Variants in OTUD4 observed in about 807,000 individuals in gnomAD.
OTUD4 encodes OTU deubiquitinase 4.
OTUD4 carries 24 observed loss-of-function variants against 130.4 expected under a neutral mutation model. The ratio of observed to expected loss-of-function variants is 0.18; its 90% confidence interval spans 0.13 to 0.26. OTUD4 has a LOEUF of 0.26. Ranked by LOEUF, OTUD4 falls within the 10% of genes least tolerant of loss-of-function variation. OTUD4 has a pLI of 1.00. For missense variants in OTUD4, 1,031 were observed against 1,329.4 expected (o/e 0.78, Z 3.49); for synonymous variants, 420 against 472.5 (o/e 0.89, Z 1.44).
At chr4:145,177,569 A>G (rs1243586655) in intron 1 of OTUD4, among the ~76,000 whole-genome samples, 2 of 152,226 alleles carry the variant, frequency 1.3e-5, no homozygotes, top group Admixed American at 1.3e-4. Flanking sequence ...AGGCTTTCCC[A>G]TTTTTACTTG....
chr4:145,180,564 T>G lies in OTUD4; in HGVS notation c.-591A>C, dbSNP rs1489492305. Among the ~76,000 whole-genome samples the G allele has an allele frequency of 2.0e-5, 3 of 152,198 alleles. No homozygotes were observed. Among genetic ancestry groups the G allele is most frequent in the Admixed American group, 2.0e-4 (3 of 15,284 alleles). ...TCGCAGCCCAGAATTTGTTTTCGCTTTCGGCCCGACAGCGGAGAGGACGGC... is the reference window on the plus strand; with the variant it reads ...TCGCAGCCCAGAATTTGTTTTCGCTGTCGGCCCGACAGCGGAGAGGACGGC... On this transcript the variant is annotated 5_prime_UTR_variant, in exon 1 of 21. Coordinates refer to ENST00000447906, the MANE Select transcript of OTUD4 (RefSeq NM_001366057.1).
intron 7 of OTUD4, 27 bp from the exon 8 acceptor site, chr4:145,156,023 G>A (rs201370371): frequency 2.5e-6 from 4 of 1,578,088 alleles, no homozygotes; most frequent in African/African-American, 1.4e-5. Flanking sequence ...CCATAATTGG[G>A]GCAGAAAAAG....
chr4:145,143,353 C>CA lies in OTUD4; in HGVS notation c.1683+11dup. 1.3e-6 allele frequency: 2 copies of CA among 1,548,186 alleles called. No individual in the cohort carries two copies. Among genetic ancestry groups the CA allele is most frequent in the Middle Eastern group, 1.7e-4 (1 of 5,932 alleles). On this transcript the variant is annotated intron_variant, in intron 17 of 20. Coordinates refer to ENST00000447906, the MANE Select transcript of OTUD4 (RefSeq NM_001366057.1). ...GTGGAGCATTCAATGTTAAATGCAA[C>CA]AATATACTTACTTGTTCCGCAGGAG...
chr4:145,161,733 C>A (rs548526053), intron 6 of OTUD4, among the ~76,000 whole-genome samples: 1 of 152,208 alleles, frequency 6.6e-6, no homozygotes, highest in Non-Finnish European at 1.5e-5. Context: ...AGAGAGCCTA[C>A]AACAGAGGAG....
rs530537616 is a variant in OTUD4 at position 145,156,033 on chromosome 4, G to C, written c.630-37C>G. Reference sequence around the variant, plus strand: ...GATAACCATAATTGGGGCAGAAAAAGGTATTTGCACGTAATTACCTTCTAA... The same window carrying C: ...GATAACCATAATTGGGGCAGAAAAACGTATTTGCACGTAATTACCTTCTAA... On this transcript the variant is annotated intron_variant, in intron 7 of 20. Transcript: ENST00000447906. 44 of 1,549,618 alleles carry C rather than the reference G, an allele frequency of 2.8e-5. No individual in the cohort carries two copies. In the South Asian group the frequency reaches 4.8e-4, roughly 17 times the overall value.
intron 18 of OTUD4, among the ~76,000 whole-genome samples, 153 bp from the exon 19 acceptor site, chr4:145,141,792 A>G (rs1417334998): frequency 6.6e-6 from 1 of 152,208 alleles, no homozygotes; most frequent in Non-Finnish European, 1.5e-5. Context: ...GGACACCAAG[A>G]AGGAAATACG....
At position 145,146,388 on chromosome 4, in the gene OTUD4, C is replaced by T. The variant is rs749804284; in HGVS notation, c.1301G>A (p.Ser434Asn). The stretch of plus-strand genomic sequence containing the variant: ...AAGGCCGAAATAGTTAGATTCTCGA[C>T]TTGTGTGATCAAAATCCTCAACTCT... ...RERVEDFDHT[S>N]RESNYFGLSP... Residue 434 changes from serine (S) to asparagine (N), a missense_variant, in exon 14 of 21, where the codon AGT becomes AAT. Around this residue, in one of 3 missense-constraint regions of OTUD4, gnomAD observed 900 missense variants for 1,095.9 expected, o/e 0.82. Coordinates refer to ENST00000447906, the MANE Select transcript of OTUD4 (RefSeq NM_001366057.1). 14 of 1,579,640 alleles carry T rather than the reference C, an allele frequency of 8.9e-6. No individual in the cohort carries two copies. The African/African-American group carries it at 1.8e-4, about 20-fold the overall frequency.
chr4:145,157,972 T>C (rs753655802), intron 7 of OTUD4, among the ~76,000 whole-genome samples: 29 of 152,266 alleles, frequency 1.9e-4, no homozygotes, highest in Non-Finnish European at 1.8e-4. Flanking sequence ...AGGTAATAAG[T>C]TGTAACAAGC....
rs1751249325 is a variant in OTUD4, at chr4:145,155,648, C to A, written c.729G>T (p.Leu243Phe). The A allele has an allele frequency of 6.2e-7, 1 of 1,612,758 alleles. No homozygotes were observed. The highest frequency in any genetic ancestry group is 8.5e-7 in the Non-Finnish European group (1 of 1,179,350). ...TGAGTGACTTAAGAACCTTTCTAGA[C>A]AAAGGCAGGCTAGTAGAGTTCCCAT... ...KNNGNSTSLP[L>F]SRKVLKSLNP... The change falls in exon 9 of 21, where the codon TTG (leucine) becomes TTT (phenylalanine). Residue 243 changes from leucine (L) to phenylalanine (F), a missense_variant. Around this residue, in one of 3 missense-constraint regions of OTUD4, gnomAD observed 900 missense variants for 1,095.9 expected, o/e 0.82. Transcript: ENST00000447906.
rs1750324989 is a variant in OTUD4, at chr4:145,137,329, AAG to A, written c.*99_*100del. 2 of 971,802 alleles carry A rather than the reference AAG, an allele frequency of 2.1e-6. No individual in the cohort carries two copies. The highest frequency in any genetic ancestry group is 3.1e-6 in the Non-Finnish European group (2 of 643,602). 60.2% of individuals were successfully genotyped at this position (971,802 alleles called of 1,614,324 possible). A position where few individuals can be genotyped will look rare whatever the true frequency, so the allele number is the denominator to read the frequency against. On this transcript the variant is annotated 3_prime_UTR_variant, in exon 21 of 21. Transcript: ENST00000447906. ...AAGGTAAGGGGGGCTGGGGAGAGGA[AAG>A]AGTTCCAACTGCGGTTTTTACTTTA... is the stretch of plus-strand genomic sequence containing the variant.
rs1164222746 is a variant in OTUD4, at chr4:145,154,561, TTTG to T, written c.873+847_873+849del. 1.2e-4 allele frequency among the ~76,000 whole-genome samples: 19 copies of T among 152,214 alleles called. 1 individual carries two copies. The highest frequency in any genetic ancestry group is 2.9e-5 in the Non-Finnish European group (2 of 68,044). ...TAACATTTTTTGTGTATGTGGGGGT[TTTG>T]TTTTTGTTTTTGAAATAGCAGTATT... On this transcript the variant is annotated intron_variant, in intron 10 of 20. Transcript: ENST00000447906.
chr4:145,167,660 C>T (rs1019086565), intron 3 of OTUD4, among the ~76,000 whole-genome samples: 1 of 152,116 alleles, frequency 6.6e-6, no homozygotes, highest in Non-Finnish European at 1.5e-5. Flanking sequence ...AGTTCAGGAC[C>T]ACCCTGGCCA....
rs554059456 is a variant in OTUD4 at position 145,148,835 on chromosome 4, G to A, written c.1259+1678C>T. ...TTTCCAAAGTTAACATTCAAAGTAA[G>A]TTAATATCTTAGATACTTTTCGTGC... On this transcript the variant is annotated intron_variant, in intron 13 of 20. Transcript: ENST00000447906. Among the ~76,000 whole-genome samples the A allele has an allele frequency of 1.1e-4, 16 of 152,264 alleles. No individual in the cohort carries two copies. In the East Asian group the frequency reaches 3.1e-3, roughly 29 times the overall value.
At position 145,139,982 on chromosome 4, in the gene OTUD4, A is replaced by G; in HGVS notation, c.2093T>C (p.Ile698Thr). ...TGEDLPKDKN[I>T]LRFFFNLGVK... The stretch of plus-strand genomic sequence containing the variant: ...ACCAAGATTGAAGAAGAATCGAAGA[A>G]TATTCTTATCTAAAAATAAAAGTAA... Residue 698 changes from isoleucine (I) to threonine (T), a missense_variant, in exon 20 of 21, where the codon ATT (isoleucine) becomes ACT (threonine). Coordinates refer to ENST00000447906, the MANE Select transcript of OTUD4 (RefSeq NM_001366057.1). 1.2e-6 allele frequency: 1 copy of G among 813,472 alleles called. No homozygotes were observed. Among genetic ancestry groups the G allele is most frequent in the Non-Finnish European group, 1.9e-6 (1 of 516,662 alleles). The allele number at this position is 813,472 out of a possible 1,614,324, so 50.4% of individuals were successfully genotyped here.
intron 6 of OTUD4, 105 bp from the exon 7 acceptor site, chr4:145,159,740 A>G: frequency 9.5e-7 from 1 of 1,048,598 alleles, no homozygotes; most frequent in Non-Finnish European, 1.4e-6. Context: ...GGCTTTTAAA[A>G]TCCTGACTAG....
rs775440877 is a variant in OTUD4, at chr4:145,150,783, T to C, written c.1072+19A>G. Reference sequence around the variant, plus strand: ...CATCATCCCAATCCCAAAGGAATGATAGCTTGATGTGCTCCTACCAGAATG... The same window carrying C: ...CATCATCCCAATCCCAAAGGAATGACAGCTTGATGTGCTCCTACCAGAATG... On this transcript the variant is annotated intron_variant, in intron 12 of 20. Transcript: ENST00000447906. The C allele has an allele frequency of 2.5e-6, 4 of 1,609,166 alleles. No individual in the cohort carries two copies. Among genetic ancestry groups the C allele is most frequent in the South Asian group, 2.2e-5 (2 of 90,866 alleles).
At chr4:145,140,437 T>A (rs998049641) in intron 19 of OTUD4, among the ~76,000 whole-genome samples, 3 of 152,160 alleles carry the variant, frequency 2.0e-5, no homozygotes, top group Non-Finnish European at 4.4e-5. Context: ...CAGTTACTCA[T>A]AGACACAAAC....
rs1420616409 is a variant in OTUD4, at chr4:145,137,358, T to C, written c.*72A>G. The C allele has an allele frequency of 7.6e-7, 1 of 1,316,608 alleles. No homozygotes were observed. Among genetic ancestry groups the C allele is most frequent in the Non-Finnish European group, 1.1e-6 (1 of 949,118 alleles). 81.6% of individuals were successfully genotyped at this position (1,316,608 alleles called of 1,614,324 possible). On this transcript the variant is annotated 3_prime_UTR_variant, in exon 21 of 21. Coordinates refer to ENST00000447906, the MANE Select transcript of OTUD4 (RefSeq NM_001366057.1). ...GTTCCAACTGCGGTTTTTACTTTATTGTATTTTTTTTAAAGCCTTCAGAAA... is the reference window on the plus strand; with the variant it reads ...GTTCCAACTGCGGTTTTTACTTTATCGTATTTTTTTTAAAGCCTTCAGAAA...
rs199602981 is a variant in OTUD4, at chr4:145,164,442, A to G, written c.342-216T>C. ...TTCAAATATTATTTGTATATATATT[A>G]AATTTCAGATATAATTCTAAAGGGA... On this transcript the variant is annotated intron_variant, in intron 4 of 20. Transcript: ENST00000447906. 5.9e-5 allele frequency among the ~76,000 whole-genome samples: 9 copies of G among 152,204 alleles called. No homozygotes were observed. The East Asian group carries it at 1.5e-3, about 26-fold the overall frequency.
Sources: allele counts gnomAD v4.1 joint callset (sites outside exome capture counted in the v4.1 genomes callset), GRCh38; gene constraint gnomAD v4.1.1; regional missense constraint gnomAD v4.1.1; transcripts MANE v1.5; gene names NCBI Gene and HGNC (gene_info 2026-07-23, HGNC 2026-07-21).